The following VWA5B1 variants were observed in gnomAD, a reference collection of about 807,000 sequenced individuals.
The protein encoded by VWA5B1 is von Willebrand factor A domain-containing protein 5B1.
VWA5B1 carries 115 observed loss-of-function variants against 118.2 expected under a neutral mutation model. The observed-to-expected ratio is 0.97, with a 90% CI of 0.84 to 1.14. The LOEUF (loss-of-function observed/expected upper bound fraction) is 1.14. VWA5B1 is among the 50% of genes most tolerant of loss of function. The probability of loss-of-function intolerance (pLI) is 0.00; values close to 1 mark genes in which losing one functional copy is unlikely to be tolerated. For synonymous variants in VWA5B1, 682 were observed against 658.4 expected, an observed-to-expected ratio of 1.04 and a Z score of -0.55; for missense variants, 1,596 against 1,603.8, an observed-to-expected ratio of 1.00 and a Z score of 0.08.
intron 4 of VWA5B1, among the ~76,000 whole-genome samples, chr1:20,316,350 C>G (rs1296485515): frequency 6.6e-6 from 1 of 152,122 alleles, no homozygotes; most frequent in Non-Finnish European, 1.5e-5. Context: ...CTGGGAACAA[C>G]AAGTACAATG....
intron 16 of VWA5B1, 65 bp downstream of exon 16, chr1:20,343,458 C>T: frequency 2.1e-6 from 3 of 1,449,846 alleles, no homozygotes; most frequent in African/African-American, 1.4e-5. Context: ...GCTCCACAGC[C>T]GCTCCCCCTT....
chr1:20,350,307 C>A, intron 19 of VWA5B1, 77 bp downstream of exon 19: 1 of 1,497,232 alleles, frequency 6.7e-7, no homozygotes, highest in South Asian at 1.2e-5. Context: ...AGTATCTTAG[C>A]ACCGACAAAG....
chr1:20,316,547 T>C (rs2089015363), intron 4 of VWA5B1, among the ~76,000 whole-genome samples: 2 of 152,072 alleles, frequency 1.3e-5, no homozygotes, highest in South Asian at 4.1e-4. Flanking sequence ...TTTACAAGGA[T>C]GTGTGCATAT....
At chr1:20,315,095 C>T (rs918184597) in intron 4 of VWA5B1, among the ~76,000 whole-genome samples, 21 of 152,196 alleles carry the variant, frequency 1.4e-4, no homozygotes, top group Admixed American at 5.2e-4. Context: ...GTATAAAAGA[C>T]GGACCCAACC....
intron 2 of VWA5B1, 83 bp downstream of exon 2, chr1:20,310,823 C>T (rs2088827284): frequency 4.2e-6 from 6 of 1,426,858 alleles, no homozygotes; most frequent in Non-Finnish European, 5.5e-6. Flanking sequence ...CGCTGACTGA[C>T]CTTAGGCAAG....
At position 20,336,384 on chromosome 1, in the gene VWA5B1, G is replaced by A. The variant is rs751693132; in HGVS notation, c.1840G>A (p.Gly614Arg). The A allele has an allele frequency of 2.9e-5, 44 of 1,526,840 alleles. No homozygotes were observed. Among genetic ancestry groups the A allele is most frequent in the South Asian group, 1.5e-4 (12 of 77,816 alleles). 94.6% of individuals were successfully genotyped at this position (1,526,840 alleles called of 1,614,324 possible). Residue 614 changes from glycine to arginine, a missense_variant, in exon 13 of 22, where the codon GGG becomes AGG. Coordinates refer to ENST00000289815, the MANE Select transcript of VWA5B1 (RefSeq NM_001039500.3). ...CTACCACTCTCAGGATGACGGACCC[G>A]GGCTGGAAGGTGGAGACTGTGCCAA... is the stretch of plus-strand genomic sequence containing the variant. ...VFYHSQDDGPGLEGGDCAKNS... is the reference protein window; with the variant it reads ...VFYHSQDDGPRLEGGDCAKNS...
Position 20,354,063 on chromosome 1 carries a change from G to C in VWA5B1, c.3448G>C (p.Glu1150Gln). ...CACGGTGGTGGGGCTGGCATGGCTG[G>C]AGCACAGTTCGGCCTCCTACTTCAC... ...WATVVGLAWL[E>Q]HSSASYFTEW... The change falls in exon 22 of 22, where the codon GAG (glutamate) becomes CAG (glutamine). Residue 1150 changes from glutamate to glutamine, a missense_variant. Physicochemically the swap from Glu to Gln is conservative, Grantham distance 29. Coordinates refer to ENST00000289815, the MANE Select transcript of VWA5B1 (RefSeq NM_001039500.3). The C allele has an allele frequency of 6.4e-7, 1 of 1,551,570 alleles. No individual in the cohort carries two copies. Among genetic ancestry groups the C allele is most frequent in the Non-Finnish European group, 8.7e-7 (1 of 1,146,988 alleles).
At chr1:20,326,375 G>T (rs1374229204) in intron 8 of VWA5B1, among the ~76,000 whole-genome samples, 1 of 152,042 alleles carries the variant, frequency 6.6e-6, no homozygotes, top group African/African-American at 2.4e-5. Context: ...AACAAGATGG[G>T]GGACATGGGG....
At chr1:20,314,998 T>C (rs774870638) in intron 4 of VWA5B1, among the ~76,000 whole-genome samples, 49 of 152,186 alleles carry the variant, frequency 3.2e-4, no homozygotes, top group Non-Finnish European at 3.8e-4. Flanking sequence ...ATACAACGAT[T>C]AACACAATGA....
At chr1:20,317,003 A>G (rs2089030187) in intron 4 of VWA5B1, among the ~76,000 whole-genome samples, 1 of 151,576 alleles carries the variant, frequency 6.6e-6, no homozygotes, top group Non-Finnish European at 1.5e-5. Context: ...TAAAAACAAA[A>G]AAATGAGCCG....
intron 4 of VWA5B1, among the ~76,000 whole-genome samples, chr1:20,315,774 A>G (rs1394161907): frequency 6.6e-6 from 1 of 152,220 alleles, no homozygotes; most frequent in Non-Finnish European, 1.5e-5. Context: ...GGGTGGTGAC[A>G]AGGGGGAACG....
In VWA5B1 at chr1:20,310,676, C is replaced by T. The variant is rs772085803; in HGVS notation, c.75C>T (p.Ser25=). The T allele has an allele frequency of 5.8e-6, 9 of 1,550,996 alleles. No homozygotes were observed. Among genetic ancestry groups the T allele is most frequent in the South Asian group, 1.2e-5 (1 of 83,998 alleles). ...CGTCTGATGTTACCTCCTGTGTCAG[C>T]GGTTATGCCCTGGGCCTAACTGCCT... is the stretch of plus-strand genomic sequence containing the variant. ...LTASDVTSCV[S]GYALGLTASL... Residue 25 remains serine, a synonymous_variant, in exon 2 of 22, where the codon AGC becomes AGT. Transcript: ENST00000289815.
intron 16 of VWA5B1, among the ~76,000 whole-genome samples, chr1:20,345,191 G>A (rs2089980708): frequency 6.6e-6 from 1 of 152,218 alleles, no homozygotes; most frequent in African/African-American, 2.4e-5. Flanking sequence ...GTTATTTAAA[G>A]GAAGTAGCTG....
chr1:20,316,248 C>G (rs1255707771), intron 4 of VWA5B1, among the ~76,000 whole-genome samples: 1 of 152,138 alleles, frequency 6.6e-6, no homozygotes, highest in East Asian at 1.9e-4. Flanking sequence ...GCCTTTCACC[C>G]AGGGATCATG....
rs2100926389 is a variant in VWA5B1, at chr1:20,330,190, C to T, written c.1265C>T (p.Ala422Val). The T allele has an allele frequency of 6.4e-7, 1 of 1,551,736 alleles. No individual in the cohort carries two copies. Among genetic ancestry groups the T allele is most frequent in the South Asian group, 1.2e-5 (1 of 84,058 alleles). Residue 422 changes from alanine (A) to valine (V), a missense_variant, in exon 10 of 22, where the codon GCC becomes GTC. Ala to Val is a moderately conservative substitution (Grantham distance 64, BLOSUM62 0). Coordinates refer to ENST00000289815, the MANE Select transcript of VWA5B1 (RefSeq NM_001039500.3). Reference protein sequence around the residue: ...SSQTYSEDSLAMACDDIQRMK... With the variant: ...SSQTYSEDSLVMACDDIQRMK... ...TCTGCTTCTCTGCAGGACAGCTTGG[C>T]CATGGCTTGTGATGACATCCAGAGA...
chr1:20,337,993 T>G lies in VWA5B1; in HGVS notation c.2133+157T>G, dbSNP rs1369130225. ...TCCCTAGGCCTTCATCTGCCTTACCTCCGAGGACACCTTCCAAATCAGGAC... is the reference window on the plus strand; with the variant it reads ...TCCCTAGGCCTTCATCTGCCTTACCGCCGAGGACACCTTCCAAATCAGGAC... On this transcript the variant is annotated intron_variant, in intron 14 of 21. Transcript: ENST00000289815. 9.6e-6 allele frequency: 9 copies of G among 936,548 alleles called. No homozygotes were observed. In the Admixed American group the frequency reaches 1.8e-4, roughly 19 times the overall value. 58.0% of individuals were successfully genotyped at this position (936,548 alleles called of 1,614,324 possible).
intron 9 of VWA5B1, among the ~76,000 whole-genome samples, chr1:20,329,774 A>G (rs1219765779): frequency 1.3e-5 from 2 of 152,212 alleles, no homozygotes; most frequent in Admixed American, 6.5e-5. Flanking sequence ...TCAAAATGTC[A>G]CAGGGGGCTG....
At chr1:20,318,912 G>A (rs78208715) in intron 6 of VWA5B1, among the ~76,000 whole-genome samples, 191 bp downstream of exon 6, 92 of 152,224 alleles carry the variant, frequency 6.0e-4, no homozygotes, top group Non-Finnish European at 1.1e-3. Flanking sequence ...TGGTGGAATC[G>A]AGTGTCTCCT....
intron 14 of VWA5B1, 140 bp from the exon 15 acceptor site, chr1:20,342,292 C>T: frequency 1.2e-6 from 1 of 841,822 alleles, no homozygotes; most frequent in Non-Finnish European, 1.8e-6. Context: ...GCTGCTGTGC[C>T]CCAGGAAAGA....
Sources: gnomAD v4.1 joint callset for allele counts (sites outside exome capture counted in the v4.1 genomes callset) on GRCh38, gnomAD v4.1.1 for gene constraint, MANE v1.5 for transcripts, NCBI Gene and HGNC (gene_info 2026-07-23, HGNC 2026-07-21) for gene names.